Variants in SLC25A48 observed in about 807,000 individuals in gnomAD.
SLC25A48 encodes CTC-321K16.1.
In SLC25A48, 29 loss-of-function variants were observed where a neutral mutation model predicts 32.2. The ratio of observed to expected loss-of-function variants is 0.90; its 90% confidence interval spans 0.67 to 1.23. SLC25A48 has a LOEUF of 1.23. Ranked by LOEUF, SLC25A48 falls within the 50% of genes most tolerant of loss-of-function variation. The pLI is 0.00. For missense variants in SLC25A48, 399 were observed against 422.7 expected (o/e 0.94, Z 0.49); for synonymous variants, 164 against 172.3 (o/e 0.95, Z 0.38).
At chr5:135,791,765 G>T (rs917194855) in intron 3 of SLC25A48, among the ~76,000 whole-genome samples, 1 of 151,580 alleles carries the variant, frequency 6.6e-6, no homozygotes, top group Non-Finnish European at 1.5e-5. Flanking sequence ...CACAGGGGTT[G>T]TCTTTCCTGT....
intron 4 of SLC25A48, among the ~76,000 whole-genome samples, chr5:135,861,431 T>C (rs1291747597): frequency 6.6e-6 from 1 of 151,968 alleles, no homozygotes; most frequent in Admixed American, 6.6e-5. Flanking sequence ...CCAAAAAAGG[T>C]TAGACAGCTC....
At chr5:135,818,912 C>T (rs1014213686) in intron 4 of SLC25A48, among the ~76,000 whole-genome samples, 1 of 151,798 alleles carries the variant, frequency 6.6e-6, no homozygotes, top group Non-Finnish European at 1.5e-5. Flanking sequence ...AATGTTAGAA[C>T]TGAAAAATAC....
At chr5:135,602,812 G>A (rs1422891443) in intron 1 of SLC25A48, among the ~76,000 whole-genome samples, 1 of 151,896 alleles carries the variant, frequency 6.6e-6, no homozygotes, top group East Asian at 1.9e-4. Context: ...CTCTTCCTGT[G>A]TCCAAGCGTT....
At chr5:135,736,294 T>C (rs1379583229) in intron 3 of SLC25A48, among the ~76,000 whole-genome samples, 1 of 152,110 alleles carries the variant, frequency 6.6e-6, no homozygotes, top group African/African-American at 2.4e-5. Flanking sequence ...ATCTAGGTCT[T>C]GTAGGATGGT....
chr5:135,745,566 GA>G (rs927728959), intron 3 of SLC25A48, among the ~76,000 whole-genome samples: 3 of 151,028 alleles, frequency 2.0e-5, no homozygotes, highest in East Asian at 1.9e-4. Context: ...GTGGTGGGAA[GA>G]AAAAAAAAGA....
At chr5:135,592,506 T>G (rs1452808830) in intron 1 of SLC25A48, among the ~76,000 whole-genome samples, 1 of 152,304 alleles carries the variant, frequency 6.6e-6, no homozygotes, top group African/African-American at 2.4e-5. Context: ...CACACCATTA[T>G]AGAGAAGGGC....
chr5:135,886,069 T>G (rs1365122220), intron 7 of SLC25A48, among the ~76,000 whole-genome samples: 1 of 152,244 alleles, frequency 6.6e-6, no homozygotes, highest in Non-Finnish European at 1.5e-5. Flanking sequence ...AATTTGATGT[T>G]GGTGATTTCT....
At chr5:135,859,819 T>C (rs1760638478) in intron 4 of SLC25A48, among the ~76,000 whole-genome samples, 1 of 152,294 alleles carries the variant, frequency 6.6e-6, no homozygotes, top group South Asian at 2.1e-4. Flanking sequence ...GCAAAAAGCC[T>C]GAAAAGATAC....
intron 3 of SLC25A48, among the ~76,000 whole-genome samples, chr5:135,787,867 T>A (rs2126629005): frequency 6.6e-6 from 1 of 152,050 alleles, no homozygotes; most frequent in African/African-American, 2.4e-5. Context: ...TTACTCCTAA[T>A]GTCACAAAGG....
intron 3 of SLC25A48, among the ~76,000 whole-genome samples, chr5:135,794,234 T>C (rs557120162): frequency 6.6e-6 from 1 of 151,536 alleles, no homozygotes; most frequent in South Asian, 2.1e-4. Context: ...TTGTTTCTAA[T>C]ATCTAGGGGG....
chr5:135,653,497 C>T (rs984724251), intron 3 of SLC25A48, among the ~76,000 whole-genome samples: 9 of 152,236 alleles, frequency 5.9e-5, no homozygotes, highest in Non-Finnish European at 1.2e-4. Context: ...AGACCCCAGT[C>T]TGCTGAAGTC....
At chr5:135,811,621 A>G (rs1334404328) in intron 3 of SLC25A48, among the ~76,000 whole-genome samples, 1 of 152,252 alleles carries the variant, frequency 6.6e-6, no homozygotes, top group African/African-American at 2.4e-5. Flanking sequence ...GTTTTAAAAT[A>G]TACATGTAAT....
intron 3 of SLC25A48, among the ~76,000 whole-genome samples, chr5:135,674,874 G>C (rs751375078): frequency 6.6e-6 from 1 of 150,900 alleles, no homozygotes; most frequent in Non-Finnish European, 1.5e-5. Flanking sequence ...CCAGTAATGG[G>C]ATTGCTGGAT....
At chr5:135,799,581 GA>G (rs1349237803) in intron 3 of SLC25A48, among the ~76,000 whole-genome samples, 1 of 151,216 alleles carries the variant, frequency 6.6e-6, no homozygotes, top group East Asian at 2.0e-4. Context: ...TCCAGGTGGG[GA>G]TATGTTAATA....
At chr5:135,759,281 A>G (rs1756003598) in intron 3 of SLC25A48, among the ~76,000 whole-genome samples, 1 of 152,132 alleles carries the variant, frequency 6.6e-6, no homozygotes, top group African/African-American at 2.4e-5. Context: ...CACATAACAA[A>G]TGCTCTTGGA....
At chr5:135,825,047 G>C (rs888461219) in intron 4 of SLC25A48, 6 of 152,188 alleles carry the variant, frequency 3.9e-5, no homozygotes, top group Non-Finnish European at 7.3e-5. Context: ...GGGGAACGTG[G>C]TTTCCTTATA....
chr5:135,884,946 C>T (rs1040647513), intron 7 of SLC25A48, among the ~76,000 whole-genome samples: 6 of 152,098 alleles, frequency 3.9e-5, no homozygotes, highest in African/African-American at 7.2e-5. Context: ...CAGAGAGAAG[C>T]ATTGCTGATC....
chr5:135,884,466 A>G (rs1762649586), intron 7 of SLC25A48, among the ~76,000 whole-genome samples: 1 of 152,128 alleles, frequency 6.6e-6, no homozygotes, highest in Admixed American at 6.5e-5. Context: ...TGGGACATTC[A>G]TTCATTTGTT....
intron 1 of SLC25A48, among the ~76,000 whole-genome samples, chr5:135,601,602 C>T (rs1321987903): frequency 6.6e-6 from 1 of 152,210 alleles, no homozygotes; most frequent in East Asian, 1.9e-4. Flanking sequence ...CCCTTTCCTC[C>T]CCAAGCTTTG....
Sources: gnomAD v4.1 joint callset for allele counts (sites outside exome capture counted in the v4.1 genomes callset) on GRCh38, gnomAD v4.1.1 for gene constraint, MANE v1.5 for transcripts, NCBI Gene and HGNC (gene_info 2026-07-23, HGNC 2026-07-21) for gene names.